Variants in RRM2 observed in about 807,000 individuals in gnomAD.
The protein encoded by RRM2 is ribonucleotide reductase regulatory subunit M2.
Under a neutral mutation model 45.9 loss-of-function variants are expected in RRM2, and 6 were observed. The ratio of observed to expected loss-of-function variants is 0.13; its 90% CI spans 0.07 to 0.26. The LOEUF (loss-of-function observed/expected upper bound fraction) is 0.26, where lower values mean the gene tolerates loss of function less well. RRM2 is among the 10% of genes least tolerant of loss of function. The pLI is 1.00. For synonymous variants in RRM2, 177 were observed against 173.0 expected (o/e 1.02, Z -0.18); for missense variants, 343 against 489.5 (o/e 0.70, Z 2.82).
intron 5 of RRM2, 93 bp from the exon 6 acceptor site, chr2:10,126,782 T>G: frequency 2.3e-6 from 2 of 862,306 alleles, no homozygotes; most frequent in Non-Finnish European, 3.7e-6. Context: ...ATACTTGAAT[T>G]TGGCCTTTGT....
chr2:10,142,498 C>T (rs966636303), intron 3 of RRM2: 13 of 1,040,566 alleles, frequency 1.2e-5, no homozygotes, highest in Admixed American at 2.2e-5. Context: ...CCTGCCAGGT[C>T]GGAAATCCAG....
In RRM2 at chr2:10,142,183, C is replaced by T; in HGVS notation, n.362-72C>T. ...GCAGAGTGAGGGGTGGGAGATGGGG[C>T]TGGGTCAGTGGAGTGGGTGTGTACA... On this transcript the variant is annotated intron_variant and non_coding_transcript_variant, in intron 2 of 3. Transcript: ENST00000381786. 4 of 1,565,846 alleles carry T rather than the reference C, an allele frequency of 2.6e-6. No individual in the cohort carries two copies. The South Asian group carries it at 4.5e-5, about 18-fold the overall frequency.
rs557499310 is a variant in RRM2 at position 10,144,938 on chromosome 2, T to C, written n.482+2563T>C. Among the ~76,000 whole-genome samples, 13 of 152,288 alleles carry C rather than the reference T, an allele frequency of 8.5e-5. No homozygotes were observed. In the South Asian group the frequency reaches 2.5e-3, roughly 29 times the overall value. ...GGGGGTGACCGTGTTATGCAAAGTG[T>C]ACACCATGTAGCATGAGCACCGGGC... On this transcript the variant is annotated intron_variant and non_coding_transcript_variant, in intron 3 of 3. Coordinates refer to the RRM2 transcript ENST00000381786.
intron 1 of RRM2, chr2:10,141,654 C>T: frequency 1.5e-6 from 1 of 687,786 alleles, no homozygotes. Context: ...ATGATTAGCT[C>T]TGGGAAGCGG....
chr2:10,136,704 T>C, upstream of RRM2, among the ~76,000 whole-genome samples: 1 of 152,076 alleles, frequency 6.6e-6, no homozygotes, highest in East Asian at 1.9e-4. Context: ...ACCCAGGAGG[T>C]TGAGGCTGCA....
In RRM2 at chr2:10,126,985, C is replaced by T. The variant is rs1441288690; in HGVS notation, c.664+16C>T. ...GCTACCTATGGTAAGGAGACCCTTGCCCCTACTTAAACCTGAGCTTCATTT... is the reference window on the plus strand; with the variant it reads ...GCTACCTATGGTAAGGAGACCCTTGTCCCTACTTAAACCTGAGCTTCATTT... On this transcript the variant is annotated intron_variant, in intron 6 of 9. Transcript: ENST00000304567. The T allele has an allele frequency of 2.5e-6, 4 of 1,612,800 alleles. No individual in the cohort carries two copies. In the African/African-American group the frequency reaches 4.0e-5, roughly 16 times the overall value.
rs754053517 is a variant in RRM2, at chr2:10,210,402, A to G, written n.574A>G. 4 of 1,367,758 alleles carry G rather than the reference A, an allele frequency of 2.9e-6. No homozygotes were observed. The East Asian group carries it at 1.8e-4, about 62-fold the overall frequency. 84.7% of individuals were successfully genotyped at this position (1,367,758 alleles called of 1,614,324 possible). A position where few individuals can be genotyped will look rare whatever the true frequency, so the allele number is the denominator to read the frequency against. Reference sequence around the variant, plus strand: ...GAGAGCCACCGTGGTGCTCACAGCAAGACACCCAGAGTCCCTTCCAGACAG... The same window carrying G: ...GAGAGCCACCGTGGTGCTCACAGCAGGACACCCAGAGTCCCTTCCAGACAG... On this transcript the variant is annotated non_coding_transcript_exon_variant, in exon 4 of 4. Coordinates refer to the RRM2 transcript ENST00000381786.
At chr2:10,181,715 G>A (rs1664049735) in intron 3 of RRM2, among the ~76,000 whole-genome samples, 1 of 145,312 alleles carries the variant, frequency 6.9e-6, no homozygotes, top group Admixed American at 6.9e-5. Flanking sequence ...GTGGGATTGT[G>A]CTCAATCTGA....
intron 3 of RRM2, among the ~76,000 whole-genome samples, chr2:10,208,639 A>C (rs934500277): frequency 1.1e-4 from 16 of 152,196 alleles, no homozygotes; most frequent in Admixed American, 5.2e-4. Context: ...AGCTGTTTTC[A>C]TATTGAATTT....
chr2:10,196,236 A>G (rs1664411195), intron 3 of RRM2, among the ~76,000 whole-genome samples: 1 of 152,184 alleles, frequency 6.6e-6, no homozygotes, highest in African/African-American at 2.4e-5. Context: ...CGCGGGGAGC[A>G]AAGGTGGCCA....
At chr2:10,210,695 C>G in exon 4 of RRM2, 2 of 1,160,232 alleles carry the variant, frequency 1.7e-6, no homozygotes, top group South Asian at 2.7e-5. Context: ...GGGTGGGAAA[C>G]TGGGGTGATG....
At chr2:10,161,666 GCA>G (rs376276275) in intron 3 of RRM2, among the ~76,000 whole-genome samples, 23 of 147,482 alleles carry the variant, frequency 1.6e-4, no homozygotes, top group African/African-American at 5.1e-4. Flanking sequence ...TCACACTCAT[GCA>G]CACACACACA....
chr2:10,196,776 A>C (rs1572531748), intron 3 of RRM2, among the ~76,000 whole-genome samples: 1 of 152,202 alleles, frequency 6.6e-6, no homozygotes, highest in East Asian at 1.9e-4. Flanking sequence ...CAGAGCCGGG[A>C]GGCCAGAGGG....
At chr2:10,191,529 G>A (rs1664306475) in intron 3 of RRM2, among the ~76,000 whole-genome samples, 2 of 152,162 alleles carry the variant, frequency 1.3e-5, no homozygotes, top group Admixed American at 6.5e-5. Context: ...GGGAATGGGT[G>A]CTGTCAGCTG....
chr2:10,128,910 G>C lies in RRM2; in HGVS notation c.861G>C (p.Glu287Asp), dbSNP rs1215179562. 3.7e-5 allele frequency: 60 copies of C among 1,614,166 alleles called. No individual in the cohort carries two copies. The highest frequency in any genetic ancestry group is 4.7e-5 in the Non-Finnish European group (56 of 1,180,012). Residue 287 changes from glutamate to aspartate, a missense_variant, in exon 8 of 10, where the codon GAG (glutamate) becomes GAC (aspartate). By Grantham distance (45) the Glu-to-Asp change is conservative (BLOSUM62 2). Coordinates refer to ENST00000304567, the MANE Select transcript of RRM2 (RefSeq NM_001034.4). ...ACCTGGTACACAAACCATCGGAGGA[G>C]AGAGTAAGAGAAATAATTATCAATG... is the stretch of plus-strand genomic sequence containing the variant. ...FKHLVHKPSE[E>D]RVREIIINAV...
rs1572515974 is a variant in RRM2, at chr2:10,172,210, C to T, written n.482+29835C>T. Among the ~76,000 whole-genome samples the T allele has an allele frequency of 6.6e-6, 1 of 152,234 alleles. No homozygotes were observed. The highest frequency in any genetic ancestry group is 1.5e-5 in the Non-Finnish European group (1 of 68,010). ...CCTTGCAAGGGGTGAGATTTCTCTG[C>T]TCTAAGTCATGGGTGCTGAGGCCCA... On this transcript the variant is annotated intron_variant and non_coding_transcript_variant, in intron 3 of 3. Coordinates refer to the RRM2 transcript ENST00000381786. The surrounding 1 kb of genome is among the most constrained non-coding windows in gnomAD (Gnocchi z 4.9).
At chr2:10,139,620 T>C (rs1349034772), upstream of RRM2, among the ~76,000 whole-genome samples, 1 of 152,192 alleles carries the variant, frequency 6.6e-6, no homozygotes, top group Non-Finnish European at 1.5e-5. Context: ...TTGGTGACCC[T>C]TCCCCTCCAT....
At chr2:10,151,032 C>G (rs1398575203) in intron 3 of RRM2, among the ~76,000 whole-genome samples, 2 of 152,116 alleles carry the variant, frequency 1.3e-5, no homozygotes, top group Non-Finnish European at 2.9e-5. Flanking sequence ...CCAGGCTGGT[C>G]TCAAACCCCT....
At position 10,171,149 on chromosome 2, in the gene RRM2, C is replaced by A. The variant is rs1235789351; in HGVS notation, n.482+28774C>A. Among the ~76,000 whole-genome samples the A allele has an allele frequency of 1.3e-5, 2 of 152,242 alleles. No individual in the cohort carries two copies. Among genetic ancestry groups the A allele is most frequent in the African/African-American group, 2.4e-5 (1 of 41,468 alleles). On this transcript the variant is annotated intron_variant and non_coding_transcript_variant, in intron 3 of 3. Transcript: ENST00000381786. This position sits in a 1 kb window ranked among gnomAD's most constrained non-coding sequence, Gnocchi z 4.1. ...GCCTGCACAGACCCCAGGCATCGAGCCTGCGATGGGGCAACGTGTGGTGTG... is the reference window on the plus strand; with the variant it reads ...GCCTGCACAGACCCCAGGCATCGAGACTGCGATGGGGCAACGTGTGGTGTG...
Sources: allele counts gnomAD v4.1 joint callset (sites outside exome capture counted in the v4.1 genomes callset), GRCh38; gene constraint gnomAD v4.1.1; non-coding constraint Gnocchi (gnomAD v3.1); transcripts MANE v1.5; gene names NCBI Gene and HGNC (gene_info 2026-07-23, HGNC 2026-07-21).